Variants in LMF1 observed in about 807,000 individuals in gnomAD.
LMF1 encodes transmembrane protein 112.
A neutral mutation model predicts 60.6 loss-of-function variants in LMF1; 68 were observed. The observed-to-expected ratio is 1.12, with a 90% CI of 0.92 to 1.37. The LOEUF is 1.37. Among genes scored for constraint, LMF1 ranks in the 40% most tolerant of loss-of-function variants. The pLI is 0.00. For missense variants in LMF1, 948 were observed against 767.2 expected (o/e 1.24, Z -2.78); for synonymous variants, 418 against 324.7 (o/e 1.29, Z -3.09).
chr16:874,050 AGGGTCTCCTTTGCCGGGTGTGG>A lies in LMF1; in HGVS notation c.898-2731_898-2710del, dbSNP rs2069892538. 6.6e-6 allele frequency among the ~76,000 whole-genome samples: 1 copy of A among 152,090 alleles called. No individual in the cohort carries two copies. The highest frequency in any genetic ancestry group is 1.5e-5 in the Non-Finnish European group (1 of 68,000). ...TGGTGGAGGCCCGGCGGCGGGTGTG[AGGGTCTCCTTTGCCGGGTGTGG>A]GGGGGGTATGGGAAGTTCTGGAACC... On this transcript the variant is annotated intron_variant, in intron 6 of 10. Transcript: ENST00000262301. This position sits in a 1 kb window ranked among gnomAD's most constrained non-coding sequence, Gnocchi z 4.1.
In LMF1 at chr16:981,130, C is replaced by G. The variant is rs1235833436; in HGVS notation, c.-135+15G>C. 3 of 437,644 alleles carry G rather than the reference C, an allele frequency of 6.9e-6. No homozygotes were observed. The Admixed American group carries it at 7.2e-5, about 11-fold the overall frequency. The allele number at this position is 437,644 out of a possible 1,614,324, so 27.1% of individuals were successfully genotyped here. A position where few individuals can be genotyped will look rare whatever the true frequency, so the allele number is the denominator to read the frequency against. On this transcript the variant is annotated intron_variant, in intron 1 of 6. Coordinates refer to the LMF1 transcript ENST00000570014. Reference sequence around the variant, plus strand: ...GTCCCCCAGCTCCGAGCCGCGGCCCCTTGAAGCGCGTTACCTGGACGTGCG... The same window carrying G: ...GTCCCCCAGCTCCGAGCCGCGGCCCGTTGAAGCGCGTTACCTGGACGTGCG...
In LMF1 at chr16:949,917, G is replaced by A. The variant is rs1285434575; in HGVS notation, c.503+4440C>T. On this transcript the variant is annotated intron_variant, in intron 2 of 10. Transcript: ENST00000262301. ...AGAGACAACGACAGAGTCAGCCAAC[G>A]ACAGAGTCAGAGCCAATGAGAGTCA... Among the ~76,000 whole-genome samples, 6 of 105,794 alleles carry A rather than the reference G, an allele frequency of 5.7e-5. 2 individuals carry two copies. Among genetic ancestry groups the A allele is most frequent in the Non-Finnish European group, 8.8e-5 (5 of 56,658 alleles). The allele number at this position is 105,794 out of a possible 152,430, so 69.4% of individuals were successfully genotyped here.
At chr16:952,139 C>G (rs1351086701) in intron 2 of LMF1, among the ~76,000 whole-genome samples, 1 of 152,198 alleles carries the variant, frequency 6.6e-6, no homozygotes, top group Non-Finnish European at 1.5e-5. Flanking sequence ...CTGCCCTGCC[C>G]TGGTGACACT....
At chr16:880,106 G>A (rs1300359481) in intron 5 of LMF1, among the ~76,000 whole-genome samples, 1 of 152,210 alleles carries the variant, frequency 6.6e-6, no homozygotes, top group African/African-American at 2.4e-5. Flanking sequence ...AGGCGGCCAA[G>A]CTGCAACCCC....
intron 5 of LMF1, among the ~76,000 whole-genome samples, chr16:881,813 G>A (rs571013843): frequency 2.6e-5 from 4 of 152,212 alleles, no homozygotes; most frequent in Non-Finnish European, 4.4e-5. Context: ...GCCCACACCC[G>A]AAGTCCCAGC....
chr16:938,065 G>A (rs2071994058), intron 2 of LMF1, among the ~76,000 whole-genome samples: 1 of 151,664 alleles, frequency 6.6e-6, no homozygotes, highest in African/African-American at 2.4e-5. Flanking sequence ...AAAAAGAGGG[G>A]CGCCTTTGGG....
rs1488800939 is a variant in LMF1, at chr16:871,150, G to C, written c.1078+11C>G. Reference sequence around the variant, plus strand: ...TGCCCTTGGGCAGGGGCCCCCAGCTGAGCCACCTACCGAATCTGGGCTCGG... The same window carrying C: ...TGCCCTTGGGCAGGGGCCCCCAGCTCAGCCACCTACCGAATCTGGGCTCGG... On this transcript the variant is annotated intron_variant, in intron 7 of 10. Transcript: ENST00000262301. 1.3e-6 allele frequency: 2 copies of C among 1,569,496 alleles called. No individual in the cohort carries two copies. The highest frequency in any genetic ancestry group is 2.2e-4 in the Middle Eastern group (1 of 4,628).
intron 3 of LMF1, among the ~76,000 whole-genome samples, chr16:918,270 G>A (rs561278736): frequency 2.0e-5 from 3 of 152,156 alleles, no homozygotes; most frequent in Non-Finnish European, 4.4e-5. Flanking sequence ...CCGGCCGCGC[G>A]GCTTGTTCGT....
intron 3 of LMF1, 97 bp from the exon 4 acceptor site, chr16:911,176 A>G: frequency 7.2e-7 from 1 of 1,385,436 alleles, no homozygotes; most frequent in Non-Finnish European, 1.0e-6. Flanking sequence ...ACGGTCCTTG[A>G]GACAGGGCTG....
chr16:920,381 G>A (rs925599959), intron 3 of LMF1, among the ~76,000 whole-genome samples: 3 of 152,256 alleles, frequency 2.0e-5, no homozygotes, highest in Non-Finnish European at 2.9e-5. Context: ...CCAGGCAGGC[G>A]GGCTGGAGAG....
At chr16:867,746 C>T (rs2069652753) in intron 10 of LMF1, among the ~76,000 whole-genome samples, 1 of 152,160 alleles carries the variant, frequency 6.6e-6, no homozygotes, top group Admixed American at 6.5e-5. Flanking sequence ...AGGCCGGGCC[C>T]ATGAGGAGGG....
intron 2 of LMF1, among the ~76,000 whole-genome samples, chr16:936,922 G>A (rs942232788): frequency 1.6e-4 from 24 of 152,268 alleles, no homozygotes; most frequent in Admixed American, 1.1e-3. Context: ...AGCCAAGATC[G>A]CGCTACTATT....
chr16:893,943 C>A (rs1298265930), intron 4 of LMF1, among the ~76,000 whole-genome samples: 2 of 152,068 alleles, frequency 1.3e-5, no homozygotes, highest in Non-Finnish European at 2.9e-5. Flanking sequence ...GGGGTTTCTG[C>A]TGCACAACCA....
At chr16:947,542 A>G (rs1036871258) in intron 2 of LMF1, 1 of 456,040 alleles carries the variant, frequency 2.2e-6, no homozygotes, top group Non-Finnish European at 4.4e-6. Flanking sequence ...TGGAGCCACC[A>G]TCCGTCCTGC....
intron 2 of LMF1, chr16:947,566 T>G (rs1310610012): frequency 2.2e-6 from 1 of 455,628 alleles, no homozygotes; most frequent in Non-Finnish European, 4.4e-6. Context: ...GGAAGGAAGC[T>G]CCAAGGGCAG....
At chr16:867,943 G>T (rs1386688933) in intron 10 of LMF1, among the ~76,000 whole-genome samples, 3 of 152,162 alleles carry the variant, frequency 2.0e-5, no homozygotes, top group Non-Finnish European at 2.9e-5. Context: ...TCTCCAGGCA[G>T]CTGTGAGCAA....
intron 3 of LMF1, among the ~76,000 whole-genome samples, chr16:931,978 T>C (rs558612807): frequency 6.6e-6 from 1 of 152,324 alleles, no homozygotes; most frequent in Non-Finnish European, 1.5e-5. Flanking sequence ...GAAGACTGAC[T>C]TCCCTGGGCT....
chr16:876,271 C>T (rs2069971113), intron 6 of LMF1, among the ~76,000 whole-genome samples: 1 of 152,130 alleles, frequency 6.6e-6, no homozygotes, highest in South Asian at 2.1e-4. Context: ...GCAAAGGCTG[C>T]ACAATGCTTC....
At chr16:950,044 GAGCCA>G (rs1210459510) in intron 2 of LMF1, among the ~76,000 whole-genome samples, 2,443 of 73,362 alleles carry the variant, frequency 0.033, 10 homozygotes, top group African/African-American at 0.086. Flanking sequence ...GACAGAGTCA[GAGCCA>G]ACGACAGAGT....
Sources: allele counts gnomAD v4.1 joint callset (sites outside exome capture counted in the v4.1 genomes callset), GRCh38; gene constraint gnomAD v4.1.1; non-coding constraint Gnocchi (gnomAD v3.1); transcripts MANE v1.5; gene names NCBI Gene and HGNC (gene_info 2026-07-23, HGNC 2026-07-21).